The following NKAIN3 variants were observed in gnomAD, a reference collection of about 807,000 sequenced individuals.
NKAIN3 encodes sodium/potassium-transporting ATPase subunit beta-1-interacting protein 3.
In NKAIN3, 25 loss-of-function variants were observed where a neutral mutation model predicts 30.2. The ratio of observed to expected loss-of-function variants is 0.83; its 90% CI spans 0.60 to 1.16. The LOEUF (loss-of-function observed/expected upper bound fraction) is 1.16. Among genes scored for constraint, NKAIN3 ranks in the 50% most tolerant of loss-of-function variants. The pLI, the probability that NKAIN3 is intolerant of heterozygous loss-of-function variation, is 0.00. For synonymous variants in NKAIN3, 91 were observed against 89.6 expected (o/e 1.02, Z -0.09); for missense variants, 225 against 254.1 (o/e 0.89, Z 0.78).
At chr8:62,445,046 A>G (rs767771053) in intron 1 of NKAIN3, among the ~76,000 whole-genome samples, 11 of 152,196 alleles carry the variant, frequency 7.2e-5, no homozygotes, top group Middle Eastern at 3.4e-3. Context: ...CCTAGGTTCA[A>G]GTGATCCTCC....
rs1474387256 is a variant in NKAIN3, at chr8:62,966,241, T to C, written c.*834T>C. ...GACCTGCAGTCAGGAACTTTTCTCT[T>C]AGGATATTCAAAAGAAGCCTGAAAA... is the stretch of plus-strand genomic sequence containing the variant. On this transcript the variant is annotated 3_prime_UTR_variant, in exon 7 of 7. Coordinates refer to ENST00000623646, the MANE Select transcript of NKAIN3 (RefSeq NM_001304533.3). The C allele has an allele frequency of 1.0e-6, 1 of 985,078 alleles. No homozygotes were observed. The highest frequency in any genetic ancestry group is 1.7e-5 in the African/African-American group (1 of 57,200). The allele number at this position is 985,078 out of a possible 1,614,324, so 61.0% of individuals were successfully genotyped here.
At chr8:62,799,644 T>C (rs1433119798) in intron 4 of NKAIN3, among the ~76,000 whole-genome samples, 1 of 152,222 alleles carries the variant, frequency 6.6e-6, no homozygotes, top group African/African-American at 2.4e-5. Context: ...TGGAGATTCC[T>C]TAAAGAACTA....
chr8:62,785,663 A>G (rs1327577942), intron 4 of NKAIN3, among the ~76,000 whole-genome samples: 1 of 152,164 alleles, frequency 6.6e-6, no homozygotes. Context: ...CCAGGAATGC[A>G]AGATTAGCGA....
chr8:62,407,203 T>C (rs1221020520), intron 1 of NKAIN3, among the ~76,000 whole-genome samples: 1 of 151,912 alleles, frequency 6.6e-6, no homozygotes, highest in Non-Finnish European at 1.5e-5. Context: ...AACATATTAA[T>C]ATTTTAATAG....
intron 1 of NKAIN3, among the ~76,000 whole-genome samples, chr8:62,566,812 A>G (rs1179792659): frequency 1.3e-5 from 2 of 152,136 alleles, no homozygotes; most frequent in East Asian, 3.9e-4. Flanking sequence ...ATAAGTGCTG[A>G]ATGTTACTAT....
At chr8:62,330,395 G>T (rs565161581) in intron 1 of NKAIN3, among the ~76,000 whole-genome samples, 1 of 152,160 alleles carries the variant, frequency 6.6e-6, no homozygotes, top group Admixed American at 6.6e-5. Context: ...AAGGTCCTGG[G>T]AGTCTAAGAG....
rs566919768 is a variant in NKAIN3, at chr8:62,248,932, C to A, written c.-142C>A. 6.0e-4 allele frequency: 415 copies of A among 693,254 alleles called. 7 individuals carry two copies. The East Asian group carries it at 0.013, about 22-fold the overall frequency. 42.9% of individuals were successfully genotyped at this position (693,254 alleles called of 1,614,324 possible). On this transcript the variant is annotated 5_prime_UTR_variant, in exon 1 of 7. Coordinates refer to ENST00000623646, the MANE Select transcript of NKAIN3 (RefSeq NM_001304533.3). ...AACTAACAAAGGCGGGCGCGAGCCC[C>A]GAGCCCTGGAGCCGCGAGCGGCGGC...
chr8:62,284,947 G>A (rs1483371702), intron 1 of NKAIN3, among the ~76,000 whole-genome samples: 1 of 152,120 alleles, frequency 6.6e-6, no homozygotes, highest in African/African-American at 2.4e-5. Context: ...TGACCTTTTA[G>A]TTTTTAGATT....
At chr8:62,799,878 G>T (rs1369677993) in intron 4 of NKAIN3, among the ~76,000 whole-genome samples, 2 of 152,134 alleles carry the variant, frequency 1.3e-5, no homozygotes, top group African/African-American at 2.4e-5. Flanking sequence ...CCATAAAAAG[G>T]AACAAAATAA....
At chr8:62,826,752 T>A (rs1819037800) in intron 4 of NKAIN3, among the ~76,000 whole-genome samples, 1 of 152,224 alleles carries the variant, frequency 6.6e-6, no homozygotes, top group Non-Finnish European at 1.5e-5. Flanking sequence ...TAATTAATTA[T>A]ACATTATTTA....
At chr8:62,751,806 C>T (rs577067841) in intron 4 of NKAIN3, among the ~76,000 whole-genome samples, 135 of 124,450 alleles carry the variant, frequency 1.1e-3, no homozygotes, top group Non-Finnish European at 1.7e-3. Context: ...CAATGTTATA[C>T]TAAAAAACTG....
At chr8:62,871,690 G>A (rs903651124) in intron 4 of NKAIN3, among the ~76,000 whole-genome samples, 56 of 152,218 alleles carry the variant, frequency 3.7e-4, no homozygotes, top group African/African-American at 1.3e-3. Flanking sequence ...CGGGCTTTGG[G>A]AAGGGAGCAG....
At chr8:62,912,678 G>A (rs1324109589) in intron 4 of NKAIN3, among the ~76,000 whole-genome samples, 1 of 152,124 alleles carries the variant, frequency 6.6e-6, no homozygotes. Context: ...GGGAGGCTGA[G>A]GAGGACGGAT....
intron 1 of NKAIN3, among the ~76,000 whole-genome samples, chr8:62,394,880 C>G (rs1287981397): frequency 7.9e-6 from 1 of 125,894 alleles, no homozygotes; most frequent in Non-Finnish European, 1.7e-5. Context: ...CCGGGGGAGG[C>G]GCTCATCACT....
At chr8:62,447,428 A>G (rs771665313) in intron 1 of NKAIN3, among the ~76,000 whole-genome samples, 3 of 151,982 alleles carry the variant, frequency 2.0e-5, no homozygotes, top group Non-Finnish European at 4.4e-5. Flanking sequence ...CTGTCCTTTG[A>G]TATTATTTAA....
At chr8:62,460,518 A>G (rs1805969141) in intron 1 of NKAIN3, among the ~76,000 whole-genome samples, 1 of 152,204 alleles carries the variant, frequency 6.6e-6, no homozygotes, top group Non-Finnish European at 1.5e-5. Context: ...CACTTATTCA[A>G]GAAAAACAGC....
chr8:62,907,178 T>C (rs1004500526), intron 4 of NKAIN3, among the ~76,000 whole-genome samples: 2 of 152,332 alleles, frequency 1.3e-5, no homozygotes, highest in African/African-American at 2.4e-5. Context: ...TAGAGATCTG[T>C]AGATCTTTGA....
chr8:62,842,402 T>G (rs983403314), intron 4 of NKAIN3, among the ~76,000 whole-genome samples: 3 of 152,110 alleles, frequency 2.0e-5, no homozygotes, highest in Non-Finnish European at 4.4e-5. Context: ...CTCTATGGAC[T>G]GAAATAATTA....
At chr8:62,425,724 A>G (rs1804786418) in intron 1 of NKAIN3, among the ~76,000 whole-genome samples, 1 of 151,978 alleles carries the variant, frequency 6.6e-6, no homozygotes, top group Admixed American at 6.6e-5. Context: ...TTTTTAAAGA[A>G]TGATAAATTG....
Sources: allele counts gnomAD v4.1 joint callset (sites outside exome capture counted in the v4.1 genomes callset), GRCh38; gene constraint gnomAD v4.1.1; transcripts MANE v1.5; gene names NCBI Gene and HGNC (gene_info 2026-07-23, HGNC 2026-07-21).